Variants in GUCY1A2 observed in about 807,000 individuals in gnomAD.
GUCY1A2 encodes guanylate cyclase soluble subunit alpha-2.
GUCY1A2 carries 27 observed loss-of-function variants against 63.5 expected under a neutral mutation model. That is an observed-to-expected ratio of 0.43 (90% CI 0.31 to 0.59). The LOEUF (loss-of-function observed/expected upper bound fraction) is 0.59. GUCY1A2 is among the 20% of genes least tolerant of loss of function. The probability of loss-of-function intolerance (pLI) is 0.11; values close to 1 mark genes in which losing one functional copy is unlikely to be tolerated. For synonymous variants in GUCY1A2, 364 were observed against 343.5 expected, an observed-to-expected ratio of 1.06 and a Z score of -0.66; for missense variants, 768 against 913.3, an observed-to-expected ratio of 0.84 and a Z score of 2.05.
chr11:106,759,686 C>A (rs1864032010), intron 6 of GUCY1A2, among the ~76,000 whole-genome samples: 2 of 152,194 alleles, frequency 1.3e-5, no homozygotes, highest in Admixed American at 6.5e-5. Flanking sequence ...GTAATCCCAG[C>A]ACTTTGGGAG....
chr11:106,722,784 CTGTGTGTGTGTGTGTGTG>C (rs5794487), intron 6 of GUCY1A2, among the ~76,000 whole-genome samples: 1 of 148,862 alleles, frequency 6.7e-6, no homozygotes, highest in South Asian at 2.2e-4. Flanking sequence ...AAGACCAGTT[CTGTGTGTGTGTGTGTGTG>C]TGTGTGTGTG....
intron 6 of GUCY1A2, among the ~76,000 whole-genome samples, chr11:106,727,463 G>A (rs1391871140): frequency 6.6e-6 from 1 of 152,180 alleles, no homozygotes; most frequent in Non-Finnish European, 1.5e-5. Context: ...TGGATGACAT[G>A]AACTTCTCCA....
intron 6 of GUCY1A2, among the ~76,000 whole-genome samples, chr11:106,764,947 G>A (rs537642269): frequency 4.7e-5 from 5 of 107,366 alleles, no homozygotes; most frequent in South Asian, 3.5e-4. Flanking sequence ...TAAGATTAAC[G>A]AAACTTACTT....
chr11:106,914,830 C>T (rs1222897176), intron 4 of GUCY1A2, among the ~76,000 whole-genome samples: 2 of 151,934 alleles, frequency 1.3e-5, no homozygotes, highest in Non-Finnish European at 2.9e-5. Flanking sequence ...CTAGTTTCAG[C>T]TCTAACATGT....
At chr11:106,856,978 T>A (rs577941808) in intron 4 of GUCY1A2, among the ~76,000 whole-genome samples, 2 of 152,354 alleles carry the variant, frequency 1.3e-5, no homozygotes, top group South Asian at 2.1e-4. Flanking sequence ...ATAACTGGTA[T>A]GTTCCCTTAA....
At chr11:106,828,230 T>C (rs1859001453) in intron 4 of GUCY1A2, among the ~76,000 whole-genome samples, 1 of 152,194 alleles carries the variant, frequency 6.6e-6, no homozygotes, top group Non-Finnish European at 1.5e-5. Context: ...TTTGGTTTTG[T>C]TGCATTTGCT....
chr11:106,878,109 T>G (rs1047697407), intron 4 of GUCY1A2, among the ~76,000 whole-genome samples: 1 of 151,972 alleles, frequency 6.6e-6, no homozygotes, highest in African/African-American at 2.4e-5. Context: ...GAATGGCTAT[T>G]ATTAAAAAGT....
At chr11:106,770,847 G>GA (rs1478245233) in intron 6 of GUCY1A2, among the ~76,000 whole-genome samples, 5 of 306 alleles carry the variant, frequency 0.016, no homozygotes, top group Admixed American at 0.033. Flanking sequence ...TGCAAATCAG[G>GA]GAATGCTGTG....
chr11:106,966,198 C>T (rs1173324581), intron 3 of GUCY1A2, among the ~76,000 whole-genome samples: 1 of 152,112 alleles, frequency 6.6e-6, no homozygotes, highest in Non-Finnish European at 1.5e-5. Context: ...ACCTCTGCCT[C>T]CTGGGTTCAA....
chr11:106,989,672 C>A (rs1365464139), intron 1 of GUCY1A2, among the ~76,000 whole-genome samples: 1 of 152,094 alleles, frequency 6.6e-6, no homozygotes, highest in African/African-American at 2.4e-5. Flanking sequence ...AATAAAGCTA[C>A]CGATACTTCT....
chr11:106,815,209 A>G (rs561747119), intron 4 of GUCY1A2, among the ~76,000 whole-genome samples: 2 of 152,200 alleles, frequency 1.3e-5, no homozygotes, highest in African/African-American at 4.8e-5. Context: ...CAGTGAATTG[A>G]GGACAGCTTA....
At chr11:106,709,769 C>CGTATAGAATATATAGTTATATACAT (rs1591241094) in intron 6 of GUCY1A2, among the ~76,000 whole-genome samples, 1 of 90,406 alleles carries the variant, frequency 1.1e-5, no homozygotes, top group East Asian at 4.4e-4. Context: ...GTTATATACA[C>CGTATAGAATATATAGTTATATACAT]GTATAGAATA....
intron 4 of GUCY1A2, among the ~76,000 whole-genome samples, chr11:106,884,640 G>T (rs1270120369): frequency 6.6e-6 from 1 of 151,950 alleles, no homozygotes; most frequent in Non-Finnish European, 1.5e-5. Flanking sequence ...AAAGAAAGAA[G>T]GTATTTCAAG....
At chr11:106,986,152 T>C (rs368262649) in intron 1 of GUCY1A2, 21 bp from the exon 2 acceptor site, 1 of 1,215,724 alleles carries the variant, frequency 8.2e-7, no homozygotes, top group Non-Finnish European at 1.2e-6. Flanking sequence ...ATAATAATAA[T>C]AAAAACATAT....
At chr11:106,693,480 A>G (rs1862661720) in intron 7 of GUCY1A2, among the ~76,000 whole-genome samples, 2 of 152,054 alleles carry the variant, frequency 1.3e-5, no homozygotes. Flanking sequence ...TATTTGGTAC[A>G]ATGACAATTA....
intron 4 of GUCY1A2, among the ~76,000 whole-genome samples, chr11:106,850,254 T>G (rs1412620609): frequency 6.6e-6 from 1 of 151,792 alleles, no homozygotes; most frequent in Non-Finnish European, 1.5e-5. Context: ...TTATGGAACG[T>G]AGAATGGTAT....
chr11:106,872,861 T>G (rs557106479), intron 4 of GUCY1A2, among the ~76,000 whole-genome samples: 9 of 152,286 alleles, frequency 5.9e-5, no homozygotes, highest in Middle Eastern at 6.8e-3. Context: ...TACATAGGTA[T>G]ACATGTGCCA....
At chr11:106,891,321 T>A (rs555316093) in intron 4 of GUCY1A2, among the ~76,000 whole-genome samples, 2 of 152,178 alleles carry the variant, frequency 1.3e-5, no homozygotes, top group Non-Finnish European at 2.9e-5. Flanking sequence ...TGATTTATAG[T>A]AATTCTTTAT....
At chr11:106,888,719 T>A (rs968246388) in intron 4 of GUCY1A2, among the ~76,000 whole-genome samples, 2 of 152,160 alleles carry the variant, frequency 1.3e-5, no homozygotes, top group Non-Finnish European at 2.9e-5. Flanking sequence ...GGTTTCCTTG[T>A]CCCATAAGAA....
Sources: gnomAD v4.1 joint callset for allele counts (sites outside exome capture counted in the v4.1 genomes callset) on GRCh38, gnomAD v4.1.1 for gene constraint, MANE v1.5 for transcripts, NCBI Gene and HGNC (gene_info 2026-07-23, HGNC 2026-07-21) for gene names.